Variants in ARHGAP28 observed in about 807,000 individuals in gnomAD.
ARHGAP28 encodes Rho GTPase activating protein 28.
Under a neutral mutation model 90.7 loss-of-function variants are expected in ARHGAP28, and 56 were observed. The observed-to-expected ratio is 0.62, with a 90% CI of 0.50 to 0.77. The LOEUF is 0.77. ARHGAP28 is among the 30% of genes least tolerant of loss of function. ARHGAP28 has a pLI of 0.00. For synonymous variants in ARHGAP28, 308 were observed against 323.3 expected (o/e 0.95, Z 0.51); for missense variants, 869 against 900.9 (o/e 0.96, Z 0.45).
chr18:6,841,183 C>CTT (rs1567966594), intron 3 of ARHGAP28, among the ~76,000 whole-genome samples: 19 of 49,674 alleles, frequency 3.8e-4, no homozygotes, highest in East Asian at 8.2e-4. Context: ...TCTCTCTCCT[C>CTT]TCTCTCTCTC....
At chr18:6,883,874 T>A (rs951261746) in intron 11 of ARHGAP28, among the ~76,000 whole-genome samples, 8 of 152,198 alleles carry the variant, frequency 5.3e-5, no homozygotes, top group Admixed American at 5.2e-4. Flanking sequence ...GTTTTTTTAA[T>A]GAGAAAAACT....
intron 3 of ARHGAP28, among the ~76,000 whole-genome samples, chr18:6,850,494 C>A (rs1196875696): frequency 6.6e-6 from 1 of 152,196 alleles, no homozygotes. Context: ...TGGCAGTGAT[C>A]TATCAATTTT....
intron 17 of ARHGAP28, among the ~76,000 whole-genome samples, chr18:6,910,135 ACTCGTCT>A (rs1567991333): frequency 2.0e-5 from 3 of 151,372 alleles, no homozygotes; most frequent in Non-Finnish European, 4.4e-5. Flanking sequence ...TCACCAGACA[ACTCGTCT>A]GTTTTTAGAA....
At chr18:6,842,449 TA>T (rs1478040746) in intron 3 of ARHGAP28, among the ~76,000 whole-genome samples, 1 of 152,204 alleles carries the variant, frequency 6.6e-6, no homozygotes, top group Non-Finnish European at 1.5e-5. Context: ...TCATTATAGC[TA>T]GCATCTGTTG....
chr18:6,854,635 G>A (rs2056937829), intron 4 of ARHGAP28, among the ~76,000 whole-genome samples: 1 of 152,148 alleles, frequency 6.6e-6, no homozygotes, highest in Admixed American at 6.5e-5. Context: ...AGCAAGGGAG[G>A]TGCAGCCAGG....
rs145823162 is a variant in ARHGAP28, at chr18:6,739,714, G to A, written c.122+9771G>A. Among the ~76,000 whole-genome samples, 64 of 143,274 alleles carry A rather than the reference G, an allele frequency of 4.5e-4. 2 individuals are homozygous for A. The East Asian group carries it at 0.013, about 28-fold the overall frequency. The allele number at this position is 143,274 out of a possible 152,430, so 94.0% of individuals were successfully genotyped here. A position where few individuals can be genotyped will look rare whatever the true frequency, so the allele number is the denominator to read the frequency against. On this transcript the variant is annotated intron_variant, in intron 1 of 17. Coordinates refer to ENST00000383472, the MANE Select transcript of ARHGAP28 (RefSeq NM_001366230.1). The stretch of plus-strand genomic sequence containing the variant: ...GCAGGTTTTAATCCTTTAATCTTTA[G>A]GTTTATGTTCTTAGTAACTAGATCT...
intron 16 of ARHGAP28, among the ~76,000 whole-genome samples, chr18:6,905,294 A>G (rs966864345): frequency 6.6e-6 from 1 of 152,144 alleles, no homozygotes; most frequent in Non-Finnish European, 1.5e-5. Context: ...AATTAGCCAT[A>G]TCAACAGGAG....
chr18:6,768,901 C>T (rs2056221323), intron 1 of ARHGAP28, among the ~76,000 whole-genome samples: 1 of 152,118 alleles, frequency 6.6e-6, no homozygotes, highest in Non-Finnish European at 1.5e-5. Context: ...GGCATCACAT[C>T]TTCTGTTGTG....
rs565937371 is a variant in ARHGAP28 at position 6,914,024 on chromosome 18, T to G, written c.*1870T>G. On this transcript the variant is annotated 3_prime_UTR_variant, in exon 18 of 18. Coordinates refer to ENST00000383472, the MANE Select transcript of ARHGAP28 (RefSeq NM_001366230.1). ...GCTACCTTACATTTCTGCGTATATA[T>G]GAAAACTGAATGATATTTCTCAGTG... 1.0e-3 allele frequency: 155 copies of G among 152,314 alleles called. No homozygotes were observed. The highest frequency in any genetic ancestry group is 3.6e-3 in the African/African-American group (149 of 41,588). The allele number at this position is 152,314 out of a possible 1,614,324, so 9.4% of individuals were successfully genotyped here. A position where few individuals can be genotyped will look rare whatever the true frequency, so the allele number is the denominator to read the frequency against.
At chr18:6,819,460 T>A (rs77121036) in intron 1 of ARHGAP28, among the ~76,000 whole-genome samples, 8,088 of 152,244 alleles carry the variant, frequency 0.053, 241 homozygotes, top group Non-Finnish European at 0.067. Flanking sequence ...GGTCATTACC[T>A]CCCTGGGCAT....
intron 4 of ARHGAP28, among the ~76,000 whole-genome samples, chr18:6,853,349 G>T (rs1390960963): frequency 6.6e-6 from 1 of 152,076 alleles, no homozygotes; most frequent in African/African-American, 2.4e-5. Context: ...AACATTTATG[G>T]TCTATTCTCT....
At chr18:6,769,763 A>G (rs961942233) in intron 1 of ARHGAP28, among the ~76,000 whole-genome samples, 2 of 152,178 alleles carry the variant, frequency 1.3e-5, no homozygotes, top group Non-Finnish European at 2.9e-5. Flanking sequence ...TTCTATGTCT[A>G]TCTTCGTAGT....
intron 1 of ARHGAP28, among the ~76,000 whole-genome samples, chr18:6,799,259 A>T (rs1441195675): frequency 6.6e-6 from 1 of 152,246 alleles, no homozygotes; most frequent in African/African-American, 2.4e-5. Flanking sequence ...ATGGAAAAAC[A>T]TTCCATGCTC....
chr18:6,870,869 C>A, intron 7 of ARHGAP28, 137 bp downstream of exon 7: 1 of 858,974 alleles, frequency 1.2e-6, no homozygotes, highest in Non-Finnish European at 1.7e-6. Context: ...GGCGCGATCT[C>A]GGCTCACTGC....
chr18:6,754,974 C>A (rs1356175978), intron 1 of ARHGAP28, among the ~76,000 whole-genome samples: 1 of 152,012 alleles, frequency 6.6e-6, no homozygotes, highest in Non-Finnish European at 1.5e-5. Flanking sequence ...GGTGAAACCT[C>A]GTCTCTACCA....
chr18:6,897,621 A>G (rs1402349235), intron 16 of ARHGAP28: 1 of 152,232 alleles, frequency 6.6e-6, no homozygotes, highest in Non-Finnish European at 1.5e-5. Flanking sequence ...AAGCATTCCA[A>G]TCATGTTGAA....
chr18:6,841,577 G>T (rs956932228), intron 3 of ARHGAP28, among the ~76,000 whole-genome samples: 2 of 151,696 alleles, frequency 1.3e-5, no homozygotes, highest in African/African-American at 4.8e-5. Context: ...TGTAGATTAT[G>T]CTGGTTCTTC....
chr18:6,757,942 G>C (rs2056125444), intron 1 of ARHGAP28, among the ~76,000 whole-genome samples: 1 of 152,128 alleles, frequency 6.6e-6, no homozygotes, highest in South Asian at 2.1e-4. Flanking sequence ...CCAGTCAAAA[G>C]ACAGCATGGT....
chr18:6,737,112 C>T (rs1398267083), intron 1 of ARHGAP28, among the ~76,000 whole-genome samples: 3 of 152,082 alleles, frequency 2.0e-5, no homozygotes, highest in African/African-American at 4.8e-5. Context: ...TGTTATATAG[C>T]AAAGCAGAAG....
Sources: gnomAD v4.1 joint callset for allele counts (sites outside exome capture counted in the v4.1 genomes callset) on GRCh38, gnomAD v4.1.1 for gene constraint, MANE v1.5 for transcripts, NCBI Gene and HGNC (gene_info 2026-07-23, HGNC 2026-07-21) for gene names.